HS3ST4: variants seen among roughly 807,000 people sequenced by gnomAD.
The protein encoded by HS3ST4 is heparan sulfate-glucosamine 3-sulfotransferase 4.
In HS3ST4, 17 loss-of-function variants were observed where a neutral mutation model predicts 29.2. The observed-to-expected ratio is 0.58, with a 90% CI of 0.40 to 0.87. The LOEUF (loss-of-function observed/expected upper bound fraction) is 0.87. Ranked by LOEUF, HS3ST4 falls within the 40% of genes least tolerant of loss-of-function variation. The pLI is 0.00. For synonymous variants in HS3ST4, 314 were observed against 285.7 expected (o/e 1.10, Z -1.00); for missense variants, 627 against 634.5 (o/e 0.99, Z 0.13).
intron 1 of HS3ST4, among the ~76,000 whole-genome samples, chr16:25,967,506 A>G (rs1297803916): frequency 6.6e-6 from 1 of 152,208 alleles, no homozygotes; most frequent in Admixed American, 6.5e-5. Context: ...TTATTTTATA[A>G]ATCATGCAAT....
chr16:25,728,430 C>T (rs1244165758), intron 1 of HS3ST4, among the ~76,000 whole-genome samples: 1 of 152,200 alleles, frequency 6.6e-6, no homozygotes, highest in Non-Finnish European at 1.5e-5. Context: ...TTGCAAAGAA[C>T]ATATAATACT....
intron 1 of HS3ST4, among the ~76,000 whole-genome samples, chr16:26,026,179 T>C (rs1367839760): frequency 6.6e-6 from 1 of 152,200 alleles, no homozygotes; most frequent in Non-Finnish European, 1.5e-5. Flanking sequence ...AGTGCTGGGA[T>C]TACAGGCGTG....
intron 1 of HS3ST4, among the ~76,000 whole-genome samples, chr16:25,916,375 T>C (rs1441160971): frequency 6.6e-6 from 1 of 152,166 alleles, no homozygotes; most frequent in Non-Finnish European, 1.5e-5. Context: ...TGCATTTTTT[T>C]TTTTGAGACA....
intron 1 of HS3ST4, among the ~76,000 whole-genome samples, chr16:25,738,697 G>T (rs553296239): frequency 6.6e-6 from 1 of 152,180 alleles, no homozygotes; most frequent in South Asian, 2.1e-4. Context: ...CTTTCTCCCT[G>T]GTCACTTATT....
intron 1 of HS3ST4, among the ~76,000 whole-genome samples, chr16:25,906,600 A>G (rs1022635900): frequency 6.6e-6 from 1 of 152,182 alleles, no homozygotes; most frequent in African/African-American, 2.4e-5. Context: ...TGCAAAATAA[A>G]TGCTGAAATA....
At chr16:25,934,535 A>G (rs1968499684) in intron 1 of HS3ST4, among the ~76,000 whole-genome samples, 1 of 152,220 alleles carries the variant, frequency 6.6e-6, no homozygotes, top group Non-Finnish European at 1.5e-5. Flanking sequence ...GGGGATGGAC[A>G]GGCCGAGGTG....
At chr16:25,981,900 A>C (rs1027698840) in intron 1 of HS3ST4, among the ~76,000 whole-genome samples, 1 of 152,224 alleles carries the variant, frequency 6.6e-6, no homozygotes, top group Non-Finnish European at 1.5e-5. Context: ...TGGCTGTAAC[A>C]TGGAGTTGGT....
At chr16:26,105,622 G>T (rs1899043767) in intron 1 of HS3ST4, among the ~76,000 whole-genome samples, 1 of 152,334 alleles carries the variant, frequency 6.6e-6, no homozygotes, top group Non-Finnish European at 1.5e-5. Context: ...AAAATGACCT[G>T]CAGGACTCTT....
chr16:26,005,402 C>A (rs573441296), intron 1 of HS3ST4, among the ~76,000 whole-genome samples: 1 of 152,120 alleles, frequency 6.6e-6, no homozygotes, highest in Admixed American at 6.5e-5. Context: ...GGGAGATAAG[C>A]AGCCTTAGAG....
At position 26,027,481 on chromosome 16, in the gene HS3ST4, C is replaced by T. The variant is rs185643415; in HGVS notation, c.735-108131C>T. On this transcript the variant is annotated intron_variant, in intron 1 of 1. Transcript: ENST00000331351. ...TACTTTGTCATGTCATTATTTAGGT[C>T]CACATTTACTTCTCCTTCTTGAACT... Among the ~76,000 whole-genome samples, 551 of 152,290 alleles carry T rather than the reference C, an allele frequency of 3.6e-3. 3 individuals carry two copies. Among genetic ancestry groups the T allele is most frequent in the Non-Finnish European group, 6.8e-3 (463 of 68,020 alleles).
intron 1 of HS3ST4, among the ~76,000 whole-genome samples, chr16:25,871,270 A>G (rs1242592441): frequency 1.3e-5 from 2 of 152,196 alleles, no homozygotes; most frequent in African/African-American, 2.4e-5. Context: ...TTGCAGACAC[A>G]ATTCTAAAAA....
chr16:25,761,240 C>T (rs1011794993), intron 1 of HS3ST4, among the ~76,000 whole-genome samples: 1 of 152,150 alleles, frequency 6.6e-6, no homozygotes, highest in Non-Finnish European at 1.5e-5. Context: ...ACACAGCTGC[C>T]ATCCAATTCA....
In HS3ST4 at chr16:25,775,739, G is replaced by A. The variant is rs1966847040; in HGVS notation, c.734+82588G>A. Among the ~76,000 whole-genome samples, 3 of 152,132 alleles carry A rather than the reference G, an allele frequency of 2.0e-5. No homozygotes were observed. The South Asian group carries it at 6.2e-4, about 32-fold the overall frequency. ...TATTCTTCAAAACCCAGCTCCAATA[G>A]CACCAAATCCTCTAAGCAGCATTAC... On this transcript the variant is annotated intron_variant, in intron 1 of 1. Coordinates refer to ENST00000331351, the MANE Select transcript of HS3ST4 (RefSeq NM_006040.3).
At chr16:26,033,012 A>C (rs1335197402) in intron 1 of HS3ST4, among the ~76,000 whole-genome samples, 1 of 152,144 alleles carries the variant, frequency 6.6e-6, no homozygotes, top group Non-Finnish European at 1.5e-5. Flanking sequence ...ATTTCTTTAC[A>C]TCCATGGGAG....
chr16:26,073,323 A>G (rs1898622014), intron 1 of HS3ST4, among the ~76,000 whole-genome samples: 1 of 152,038 alleles, frequency 6.6e-6, no homozygotes, highest in Admixed American at 6.6e-5. Flanking sequence ...GATTAGGCAA[A>G]TTTGGAGATC....
intron 1 of HS3ST4, among the ~76,000 whole-genome samples, chr16:25,860,545 A>G (rs1967626165): frequency 6.6e-6 from 1 of 152,216 alleles, no homozygotes; most frequent in Non-Finnish European, 1.5e-5. Context: ...AGTGCTGAAA[A>G]GAAACAAGCC....
chr16:25,755,512 A>G (rs921619610), intron 1 of HS3ST4, among the ~76,000 whole-genome samples: 4 of 152,152 alleles, frequency 2.6e-5, no homozygotes, highest in African/African-American at 9.7e-5. Context: ...CTGGGAGATG[A>G]GGATGGAGAA....
intron 1 of HS3ST4, among the ~76,000 whole-genome samples, chr16:25,777,665 G>A (rs979288870): frequency 6.6e-6 from 1 of 152,184 alleles, no homozygotes; most frequent in Non-Finnish European, 1.5e-5. Flanking sequence ...TTACTTGGGA[G>A]GCTGGGGCAG....
intron 1 of HS3ST4, among the ~76,000 whole-genome samples, chr16:25,780,408 C>G (rs572918710): frequency 6.6e-6 from 1 of 152,318 alleles, no homozygotes; most frequent in South Asian, 2.1e-4. Flanking sequence ...CTGTCTGTCT[C>G]TCTCTGCATC....
Sources: allele counts gnomAD v4.1 joint callset (sites outside exome capture counted in the v4.1 genomes callset), GRCh38; gene constraint gnomAD v4.1.1; transcripts MANE v1.5; gene names NCBI Gene and HGNC (gene_info 2026-07-23, HGNC 2026-07-21).